NIPSNAP3B: variants seen among roughly 807,000 people sequenced by gnomAD.
NIPSNAP3B encodes the protein protein NipSnap homolog 3B.
Under a neutral mutation model 31.5 loss-of-function variants are expected in NIPSNAP3B, and 30 were observed. The observed-to-expected ratio is 0.95, with a 90% CI of 0.71 to 1.29. The LOEUF (loss-of-function observed/expected upper bound fraction) is 1.29, where lower values mean the gene tolerates loss of function less well. Among genes scored for constraint, NIPSNAP3B ranks in the 50% most tolerant of loss-of-function variants. NIPSNAP3B has a pLI of 0.00. For missense variants in NIPSNAP3B, 269 were observed against 300.7 expected (o/e 0.89, Z 0.78); for synonymous variants, 106 against 107.9 (o/e 0.98, Z 0.11).
chr9:104,773,003 A>G lies in NIPSNAP3B; in HGVS notation c.674A>G (p.Glu225Gly), dbSNP rs529659668. The change falls in exon 6 of 6, where the codon GAA becomes GGA. Residue 225 changes from glutamate (E) to glycine (G), a missense_variant. Transcript: ENST00000374762. ...EDPRVVAAVR[E>G]SVNYLVSQQN... ...TTATGAAATGTTTTTCCAGTTCGGG[A>G]AAGTGTCAACTACCTAGTTTCTCAG... 8.7e-6 allele frequency: 14 copies of G among 1,614,128 alleles called. No individual in the cohort carries two copies. The South Asian group carries it at 1.3e-4, about 15-fold the overall frequency.
chr9:104,786,308 G>A, the NIPSNAP3B span: 1 of 1,613,474 alleles, frequency 6.2e-7, no homozygotes, highest in Non-Finnish European at 8.5e-7. Flanking sequence ...CTATTTTTTA[G>A]ATGCTGGACA....
chr9:104,782,848 T>TA, the NIPSNAP3B span: 10,540 of 136,120 alleles, frequency 0.077, 739 homozygotes, highest in African/African-American at 0.19. Flanking sequence ...TTGTTGCAAT[T>TA]AAAAAAAAAA....
At position 104,775,418 on chromosome 9, in the gene NIPSNAP3B, C is replaced by G. The variant is rs959346203; in HGVS notation, c.*2345C>G. Among the ~76,000 whole-genome samples the G allele has an allele frequency of 6.6e-6, 1 of 152,028 alleles. No individual in the cohort carries two copies. Among genetic ancestry groups the G allele is most frequent in the Non-Finnish European group, 1.5e-5 (1 of 67,994 alleles). Reference sequence around the variant, plus strand: ...CTTCTGGGAAGTTTCTTCGTTTCTCCGAAACACTCACTGCACAAGCCTTCA... The same window carrying G: ...CTTCTGGGAAGTTTCTTCGTTTCTCGGAAACACTCACTGCACAAGCCTTCA... On this transcript the variant is annotated 3_prime_UTR_variant, in exon 6 of 6. Coordinates refer to ENST00000374762, the MANE Select transcript of NIPSNAP3B (RefSeq NM_018376.4).
At chr9:104,787,850 T>A in the NIPSNAP3B span, 1 of 1,613,712 alleles carries the variant, frequency 6.2e-7, no homozygotes, top group Non-Finnish European at 8.5e-7. Context: ...CCTGGACATA[T>A]AGGACTTTTG....
intron 2 of NIPSNAP3B, among the ~76,000 whole-genome samples, chr9:104,767,552 ACT>A (rs1310645601): frequency 6.6e-6 from 1 of 152,114 alleles, no homozygotes; most frequent in Non-Finnish European, 1.5e-5. Flanking sequence ...GCTTGACGTA[ACT>A]CTTTAGTTTT....
chr9:104,772,239 G>A (rs1828238130), intron 4 of NIPSNAP3B, among the ~76,000 whole-genome samples: 1 of 149,478 alleles, frequency 6.7e-6, no homozygotes, highest in Admixed American at 6.7e-5. Context: ...AAGCTCTTAA[G>A]TGTAATTAGA....
chr9:104,788,119 A>G, the NIPSNAP3B span: 7 of 1,525,136 alleles, frequency 4.6e-6, no homozygotes, highest in Admixed American at 1.2e-4. Context: ...TGTCCTACAC[A>G]TACATGTATG....
At chr9:104,784,658 CCCTTGAA>C in the NIPSNAP3B span, among the ~76,000 whole-genome samples, 1 of 151,960 alleles carries the variant, frequency 6.6e-6, no homozygotes, top group African/African-American at 2.4e-5. Flanking sequence ...TTTTTTTCCC[CCCTTGAA>C]ATGGGGTCTT....
the NIPSNAP3B span, chr9:104,788,601 G>C: frequency 3.7e-6 from 6 of 1,612,750 alleles, no homozygotes; most frequent in Non-Finnish European, 5.1e-6. Context: ...TAGATTTTAA[G>C]CAGGTAGAGA....
chr9:104,778,702 A>G (rs12683154), downstream of NIPSNAP3B, among the ~76,000 whole-genome samples: 17,507 of 152,070 alleles, frequency 0.12, 1,267 homozygotes, highest in East Asian at 0.26. Context: ...TGCTGGATCT[A>G]TCTCCAAAGT....
the NIPSNAP3B span, chr9:104,782,877 A>T: frequency 6.7e-6 from 1 of 150,350 alleles, no homozygotes; most frequent in African/African-American, 2.5e-5. Context: ...GCTGCCCAGT[A>T]TTGTTACAGT....
downstream of NIPSNAP3B, among the ~76,000 whole-genome samples, chr9:104,779,066 C>A (rs1448108753): frequency 6.6e-6 from 1 of 152,116 alleles, no homozygotes; most frequent in Admixed American, 6.6e-5. Flanking sequence ...GCTTTTGCAA[C>A]ACTTATTCTT....
intron 2 of NIPSNAP3B, among the ~76,000 whole-genome samples, chr9:104,768,383 A>G (rs769282988): frequency 2.6e-5 from 4 of 152,172 alleles, no homozygotes; most frequent in African/African-American, 4.8e-5. Flanking sequence ...ATCACCCACC[A>G]CCAAGGAAAA....
rs537064220 is a variant in NIPSNAP3B, at chr9:104,775,717, C to T, written c.*2644C>T. Among the ~76,000 whole-genome samples the T allele has an allele frequency of 1.7e-4, 26 of 152,316 alleles. No individual in the cohort carries two copies. The highest frequency in any genetic ancestry group is 3.4e-4 in the Non-Finnish European group (23 of 68,034). ...TGTCTATTAGAAATCTCACACCCCT[C>T]TTGTCCAAAACTGAGCTCTTGATCT... On this transcript the variant is annotated 3_prime_UTR_variant, in exon 6 of 6. Transcript: ENST00000374762.
rs745598717 is a variant in NIPSNAP3B, at chr9:104,775,274, C to T, written c.*2201C>T. On this transcript the variant is annotated 3_prime_UTR_variant, in exon 6 of 6. Coordinates refer to ENST00000374762, the MANE Select transcript of NIPSNAP3B (RefSeq NM_018376.4). Reference sequence around the variant, plus strand: ...AAGAGTAGTTCATACTTCCTGCCTCCATTTTCTTCCCTCACATTATCTCTT... The same window carrying T: ...AAGAGTAGTTCATACTTCCTGCCTCTATTTTCTTCCCTCACATTATCTCTT... Among the ~76,000 whole-genome samples, 4 of 151,888 alleles carry T rather than the reference C, an allele frequency of 2.6e-5. No individual in the cohort carries two copies. Among genetic ancestry groups the T allele is most frequent in the Non-Finnish European group, 5.9e-5 (4 of 67,982 alleles).
At chr9:104,772,196 AGTT>A (rs1044710602) in intron 4 of NIPSNAP3B, among the ~76,000 whole-genome samples, 1 of 144,172 alleles carries the variant, frequency 6.9e-6, no homozygotes, top group African/African-American at 2.5e-5. Context: ...CTCTGTTGAC[AGTT>A]TTTTTTTTGT....
Position 104,772,115 on chromosome 9 carries a change from G to A in NIPSNAP3B, c.581-707G>A, listed in dbSNP as rs556638504. Among the ~76,000 whole-genome samples the A allele has an allele frequency of 3.3e-5, 5 of 151,316 alleles. No homozygotes were observed. The East Asian group carries it at 9.7e-4, about 29-fold the overall frequency. On this transcript the variant is annotated intron_variant, in intron 4 of 5. Transcript: ENST00000374762. ...AAACTTGTTTAAGTTCCTTATAGAG[G>A]CTGGATATTAGGCCTTTGTCAGATG... is the stretch of plus-strand genomic sequence containing the variant.
the NIPSNAP3B span, chr9:104,788,099 T>C: frequency 1.9e-6 from 3 of 1,586,008 alleles, no homozygotes; most frequent in Non-Finnish European, 2.6e-6. Context: ...GCTTGGGAAT[T>C]TTATCATGCT....
intron 4 of NIPSNAP3B, among the ~76,000 whole-genome samples, chr9:104,772,051 C>A (rs1381288427): frequency 6.6e-6 from 1 of 152,112 alleles, no homozygotes; most frequent in Non-Finnish European, 1.5e-5. Context: ...TATTCATGCC[C>A]TTTACCTACT....
Sources: allele counts gnomAD v4.1 joint callset (sites outside exome capture counted in the v4.1 genomes callset), GRCh38; gene constraint gnomAD v4.1.1; transcripts MANE v1.5; gene names NCBI Gene and HGNC (gene_info 2026-07-23, HGNC 2026-07-21).